The following TDRD7 variants were observed in gnomAD, a reference collection of about 807,000 sequenced individuals.
The protein encoded by TDRD7 is tudor domain-containing protein 7.
In TDRD7, 47 loss-of-function variants were observed where a neutral mutation model predicts 109.8. That is an observed-to-expected ratio of 0.43 (90% CI 0.34 to 0.55). TDRD7 has a LOEUF of 0.55. Ranked by LOEUF, TDRD7 falls within the 20% of genes least tolerant of loss-of-function variation. The probability of loss-of-function intolerance (pLI) is 0.03; values close to 1 mark genes in which losing one functional copy is unlikely to be tolerated. For missense variants in TDRD7, 1,164 were observed against 1,319.2 expected, an observed-to-expected ratio of 0.88 and a Z score of 1.82; for synonymous variants, 424 against 457.3, an observed-to-expected ratio of 0.93 and a Z score of 0.93.
intron 1 of TDRD7, among the ~76,000 whole-genome samples, chr9:97,418,532 C>T (rs566687612): frequency 1.4e-4 from 21 of 150,678 alleles, no homozygotes; most frequent in South Asian, 1.1e-3. Context: ...ACCTGAATGC[C>T]GCTCCTTAAA....
intron 12 of TDRD7, among the ~76,000 whole-genome samples, chr9:97,477,075 A>T (rs1307909338): frequency 6.6e-6 from 1 of 152,222 alleles, no homozygotes; most frequent in Non-Finnish European, 1.5e-5. Context: ...GTTCTGTGTG[A>T]TTTAATTTAA....
At chr9:97,480,251 A>G (rs1829093686) in intron 13 of TDRD7, 1 of 163,258 alleles carries the variant, frequency 6.1e-6, no homozygotes, top group African/African-American at 2.4e-5. Flanking sequence ...GTAGGAGCTA[A>G]AAAGCACTGG....
chr9:97,425,634 C>T (rs1037893612), intron 1 of TDRD7, among the ~76,000 whole-genome samples: 16 of 152,108 alleles, frequency 1.1e-4, no homozygotes, highest in Non-Finnish European at 2.1e-4. Flanking sequence ...CACACACACA[C>T]ATCTGTGAAA....
At chr9:97,454,461 A>C (rs1400498429) in intron 6 of TDRD7, among the ~76,000 whole-genome samples, 1 of 152,172 alleles carries the variant, frequency 6.6e-6, no homozygotes, top group Non-Finnish European at 1.5e-5. Context: ...AGCCTGGGGG[A>C]CAGAGCAAGA....
chr9:97,414,756 C>A (rs1013690121), intron 1 of TDRD7, among the ~76,000 whole-genome samples: 6 of 152,142 alleles, frequency 3.9e-5, no homozygotes, highest in African/African-American at 1.4e-4. Flanking sequence ...GGGTATTAAT[C>A]ATCTTTTTCC....
At chr9:97,485,816 G>A (rs1829202719) in intron 15 of TDRD7, among the ~76,000 whole-genome samples, 1 of 152,136 alleles carries the variant, frequency 6.6e-6, no homozygotes, top group African/African-American at 2.4e-5. Flanking sequence ...GAGCCCAGGT[G>A]GGACTCTAAT....
intron 6 of TDRD7, 26 bp from the exon 7 acceptor site, chr9:97,460,152 T>A: frequency 6.3e-7 from 1 of 1,594,930 alleles, no homozygotes; most frequent in Non-Finnish European, 8.6e-7. Flanking sequence ...GAAATATCTG[T>A]CATTTGCTTT....
rs567663641 is a variant in TDRD7 at position 97,417,979 on chromosome 9, G to T, written c.-7+5741G>T. Among the ~76,000 whole-genome samples, 5 of 152,270 alleles carry T rather than the reference G, an allele frequency of 3.3e-5. No homozygotes were observed. The East Asian group carries it at 7.7e-4, about 23-fold the overall frequency. Reference sequence around the variant, plus strand: ...GTCCCTACTAAAAATACAAAAAGTAGCCAGGCATGGTGATGGGTGCCTGGA... The same window carrying T: ...GTCCCTACTAAAAATACAAAAAGTATCCAGGCATGGTGATGGGTGCCTGGA... On this transcript the variant is annotated intron_variant, in intron 1 of 16. Transcript: ENST00000355295.
At position 97,423,350 on chromosome 9, in the gene TDRD7, C is replaced by A. The variant is rs556614624; in HGVS notation, c.-6-5110C>A. On this transcript the variant is annotated intron_variant, in intron 1 of 16. Transcript: ENST00000355295. ...GTTCTCTTTTTAATGTCTGTAGGAT[C>A]TGTATTGATGGCCCCTCTTTCAATC... 1.1e-4 allele frequency among the ~76,000 whole-genome samples: 16 copies of A among 150,108 alleles called. 1 individual carries two copies. The highest frequency in any genetic ancestry group is 1.1e-3 in the Admixed American group (16 of 15,068).
chr9:97,484,269 A>C, intron 15 of TDRD7, among the ~76,000 whole-genome samples: 1 of 152,084 alleles, frequency 6.6e-6, no homozygotes, highest in East Asian at 1.9e-4. Context: ...ATTTGGGTCC[A>C]CACCCTCCTC....
intron 1 of TDRD7, among the ~76,000 whole-genome samples, chr9:97,414,681 A>G (rs1827783554): frequency 1.3e-5 from 2 of 152,202 alleles, no homozygotes; most frequent in African/African-American, 4.8e-5. Context: ...TTGGAACTTG[A>G]GATCACAAGA....
intron 1 of TDRD7, among the ~76,000 whole-genome samples, chr9:97,427,583 C>G (rs1828021817): frequency 6.6e-6 from 1 of 152,186 alleles, no homozygotes; most frequent in Admixed American, 6.5e-5. Flanking sequence ...CCAACTTCTC[C>G]GTGTCCAAAA....
chr9:97,484,495 C>G (rs1006397821), intron 15 of TDRD7, among the ~76,000 whole-genome samples: 1 of 151,680 alleles, frequency 6.6e-6, no homozygotes, highest in Non-Finnish European at 1.5e-5. Flanking sequence ...CACACACACC[C>G]CAAAACTCAG....
chr9:97,432,627 A>T (rs950169150), intron 4 of TDRD7, among the ~76,000 whole-genome samples: 1 of 152,226 alleles, frequency 6.6e-6, no homozygotes, highest in South Asian at 2.1e-4. Context: ...ATGTAGTAGC[A>T]TCAGACATCC....
intron 15 of TDRD7, among the ~76,000 whole-genome samples, chr9:97,484,657 AACAT>A (rs1829180857): frequency 6.6e-6 from 1 of 152,228 alleles, no homozygotes; most frequent in African/African-American, 2.4e-5. Flanking sequence ...CATTTCGAAA[AACAT>A]ACAATTTGTA....
intron 6 of TDRD7, among the ~76,000 whole-genome samples, chr9:97,443,608 T>G (rs1240223704): frequency 1.3e-5 from 2 of 152,246 alleles, no homozygotes; most frequent in Non-Finnish European, 2.9e-5. Context: ...AGGTATTCCC[T>G]TAGAAGTCTC....
Position 97,441,641 on chromosome 9 carries a change from AT to A in TDRD7, c.638-10del, listed in dbSNP as rs748449778. On this transcript the variant is annotated splice_polypyrimidine_tract_variant and intron_variant, in intron 5 of 16. Transcript: ENST00000355295. ...GTTAAGCATTTTGGTTAATTCTATT[AT>A]TTTTTTAATTTAAAGATAATTTAAA... 1.1e-5 allele frequency: 18 copies of A among 1,568,856 alleles called. No homozygotes were observed. In the African/African-American group the frequency reaches 1.8e-4, roughly 16 times the overall value.
In TDRD7 at chr9:97,490,031, C is replaced by T. The variant is rs577899338; in HGVS notation, c.3076+2699C>T. ...AAGCAGATACATGCACATGTGCACA[C>T]GTGCACACACACACACACGCATACA... On this transcript the variant is annotated intron_variant, in intron 16 of 16. Transcript: ENST00000355295. Among the ~76,000 whole-genome samples the T allele has an allele frequency of 6.6e-4, 100 of 152,054 alleles. 1 individual carries two copies. The highest frequency in any genetic ancestry group is 2.1e-3 in the African/African-American group (89 of 41,520).
intron 16 of TDRD7, among the ~76,000 whole-genome samples, chr9:97,490,909 CTTTTTTTT>C (rs1174656625): frequency 1.2e-4 from 9 of 77,648 alleles, no homozygotes; most frequent in South Asian, 4.7e-4. Flanking sequence ...CTTTTCTTTT[CTTTTTTTT>C]TTTTTTTTTT....
Sources: allele counts gnomAD v4.1 joint callset (sites outside exome capture counted in the v4.1 genomes callset), GRCh38; gene constraint gnomAD v4.1.1; transcripts MANE v1.5; gene names NCBI Gene and HGNC (gene_info 2026-07-23, HGNC 2026-07-21).